Variants in EPS8 observed in about 807,000 individuals in gnomAD.
The protein encoded by EPS8 is EGFR pathway substrate 8, signaling adaptor, also known as epidermal growth factor receptor kinase substrate 8.
Under a neutral mutation model 103.8 loss-of-function variants are expected in EPS8, and 42 were observed. That is an observed-to-expected ratio of 0.40 (90% CI 0.32 to 0.52). The LOEUF (loss-of-function observed/expected upper bound fraction) is 0.52. EPS8 is among the 20% of genes least tolerant of loss of function. The pLI is 0.40. For synonymous variants in EPS8, 344 were observed against 344.6 expected, an observed-to-expected ratio of 1.00 and a Z score of 0.02; for missense variants, 969 against 1,005.1, an observed-to-expected ratio of 0.96 and a Z score of 0.49.
Position 15,751,609 on chromosome 12 carries a change from G to A in EPS8, c.-22+37552C>T, listed in dbSNP as rs1317809469. ...AATACTGGGCAGTTTCAGACACTAG[G>A]GACATAGCAGTAAAAAAAGGGGGCA... On this transcript the variant is annotated intron_variant, in intron 1 of 20. Coordinates refer to ENST00000281172, the MANE Select transcript of EPS8 (RefSeq NM_004447.6). This position sits in a 1 kb window ranked among gnomAD's most constrained non-coding sequence, Gnocchi z 4.3. Among the ~76,000 whole-genome samples, 2 of 151,932 alleles carry A rather than the reference G, an allele frequency of 1.3e-5. No homozygotes were observed. Among genetic ancestry groups the A allele is most frequent in the Non-Finnish European group, 2.9e-5 (2 of 67,994 alleles).
intron 8 of EPS8, chr12:15,665,548 C>T (rs1460866835): frequency 1.9e-6 from 1 of 540,430 alleles, no homozygotes; most frequent in East Asian, 3.6e-5. Context: ...TCATGCTGGT[C>T]TCAAACTCCT....
At chr12:15,658,406 T>G (rs1261523701) in intron 11 of EPS8, 91 bp downstream of exon 11, 2 of 1,005,662 alleles carry the variant, frequency 2.0e-6, no homozygotes, top group Non-Finnish European at 3.0e-6. Flanking sequence ...TAAAAACAAT[T>G]TTATTTCTTA....
chr12:15,725,894 G>C lies in EPS8; in HGVS notation c.-21-42922C>G, dbSNP rs570337004. Among the ~76,000 whole-genome samples, 1 of 152,120 alleles carries C rather than the reference G, an allele frequency of 6.6e-6. No individual in the cohort carries two copies. Among genetic ancestry groups the C allele is most frequent in the East Asian group, 1.9e-4 (1 of 5,180 alleles). ...AATAAGATGCAGAATTTGGCCTTTA[G>C]GTTTCTCTGTTTTACAAATACAGGT... On this transcript the variant is annotated intron_variant, in intron 1 of 20. Transcript: ENST00000281172. This position sits in a 1 kb window ranked among gnomAD's most constrained non-coding sequence, Gnocchi z 4.5.
chr12:15,660,823 T>C (rs1242960746), intron 9 of EPS8, 83 bp from the exon 10 acceptor site: 1 of 807,860 alleles, frequency 1.2e-6, no homozygotes, highest in East Asian at 2.8e-5. Flanking sequence ...AATAGAAAGG[T>C]TTTTTTAGAA....
intron 7 of EPS8, 78 bp downstream of exon 7, chr12:15,666,359 AAAT>A: frequency 9.7e-7 from 1 of 1,029,038 alleles, no homozygotes; most frequent in Non-Finnish European, 1.5e-6. Context: ...CTTCCATAGA[AAAT>A]AATTTTTCTA....
At chr12:15,718,862 G>A (rs10466859) in intron 1 of EPS8, among the ~76,000 whole-genome samples, 128,876 of 152,046 alleles carry the variant, frequency 0.85, 58,642 homozygotes, top group Non-Finnish European at 1. Flanking sequence ...GGGTTCTTAA[G>A]TGCCATTTAG....
At chr12:15,758,979 A>T (rs2136028157) in intron 1 of EPS8, among the ~76,000 whole-genome samples, 1 of 152,226 alleles carries the variant, frequency 6.6e-6, no homozygotes, top group South Asian at 2.1e-4. Context: ...TCACTGTACT[A>T]TTCAATGCAC....
At chr12:15,667,575 G>A (rs1000421658) in intron 6 of EPS8, among the ~76,000 whole-genome samples, 4 of 152,000 alleles carry the variant, frequency 2.6e-5, no homozygotes, top group East Asian at 1.9e-4. Context: ...AACTGAAGAT[G>A]CCTAGGAATC....
intron 14 of EPS8, among the ~76,000 whole-genome samples, chr12:15,650,068 C>T (rs958076697): frequency 3.9e-5 from 6 of 152,152 alleles, no homozygotes; most frequent in Admixed American, 6.5e-5. Flanking sequence ...GTCATAGAAA[C>T]ATCACTTTTA....
rs1341956854 is a variant in EPS8, at chr12:15,784,600, T to C, written c.-22+4561A>G. Among the ~76,000 whole-genome samples the C allele has an allele frequency of 1.3e-5, 2 of 152,112 alleles. No homozygotes were observed. Among genetic ancestry groups the C allele is most frequent in the East Asian group, 3.8e-4 (2 of 5,198 alleles). ...TGGCAATTTCTTACAAAGCTAACCA[T>C]AATCTTACCACAGGATCCAGCAATC... On this transcript the variant is annotated intron_variant, in intron 1 of 20. Coordinates refer to ENST00000281172, the MANE Select transcript of EPS8 (RefSeq NM_004447.6). This position sits in a 1 kb window ranked among gnomAD's most constrained non-coding sequence, Gnocchi z 4.0.
rs1325148148 is a variant in EPS8 at position 15,776,380 on chromosome 12, G to C, written c.-22+12781C>G. The stretch of plus-strand genomic sequence containing the variant: ...AGCAATCCGGTACTCTTTTGGAAGA[G>C]AGAAAAAAACAGCTGGCTTAGGTGA... On this transcript the variant is annotated intron_variant, in intron 1 of 20. Coordinates refer to ENST00000281172, the MANE Select transcript of EPS8 (RefSeq NM_004447.6). The surrounding 1 kb of genome is among the most constrained non-coding windows in gnomAD (Gnocchi z 4.2). Among the ~76,000 whole-genome samples, 2 of 152,082 alleles carry C rather than the reference G, an allele frequency of 1.3e-5. No individual in the cohort carries two copies. The highest frequency in any genetic ancestry group is 2.4e-5 in the African/African-American group (1 of 41,420).
Position 15,690,728 on chromosome 12 carries a change from T to A in EPS8, c.-21-7756A>T, listed in dbSNP as rs1946160042. The stretch of plus-strand genomic sequence containing the variant: ...ATCAAGAGCAAAATGTATAACTTTA[T>A]GTCTATGAAAAGTTCACGACTAAGC... On this transcript the variant is annotated intron_variant, in intron 1 of 20. Transcript: ENST00000281172. The surrounding 1 kb of genome is among the most constrained non-coding windows in gnomAD (Gnocchi z 4.7). Among the ~76,000 whole-genome samples, 1 of 152,246 alleles carries A rather than the reference T, an allele frequency of 6.6e-6. No individual in the cohort carries two copies. Among genetic ancestry groups the A allele is most frequent in the African/African-American group, 2.4e-5 (1 of 41,470 alleles).
rs3086457 is a variant in EPS8 at position 15,715,394 on chromosome 12, C to CTTT, written c.-21-32425_-21-32423dup. On this transcript the variant is annotated intron_variant, in intron 1 of 20. Coordinates refer to ENST00000281172, the MANE Select transcript of EPS8 (RefSeq NM_004447.6). ...TTTCTTTTTTTTTTTCTTTACTTTT[C>CTTT]TTTTTTTTTTTTTTTTGAGATGGAG... Among the ~76,000 whole-genome samples the CTTT allele has an allele frequency of 7.8e-3, 995 of 127,110 alleles. 51 individuals carry two copies. The highest frequency in any genetic ancestry group is 0.015 in the East Asian group (68 of 4,418). 83.4% of individuals were successfully genotyped at this position (127,110 alleles called of 152,430 possible).
At chr12:15,624,137 A>AT (rs1340986542) in intron 19 of EPS8, 90 bp downstream of exon 19, 1 of 1,019,440 alleles carries the variant, frequency 9.8e-7, no homozygotes, top group Non-Finnish European at 1.5e-6. Flanking sequence ...CTTATGTTTT[A>AT]TAACAGTTAT....
intron 1 of EPS8, among the ~76,000 whole-genome samples, chr12:15,687,755 C>G (rs925956150): frequency 1.3e-5 from 2 of 152,108 alleles, no homozygotes; most frequent in Non-Finnish European, 2.9e-5. Context: ...TTGTCTATTC[C>G]CTGAGTTGCT....
At chr12:15,657,398 G>C (rs1211715683) in intron 12 of EPS8, among the ~76,000 whole-genome samples, 2 of 152,128 alleles carry the variant, frequency 1.3e-5, no homozygotes, top group Non-Finnish European at 2.9e-5. Flanking sequence ...TCCCCCTGGG[G>C]AACTCCCAGT....
At chr12:15,742,964 G>T (rs866239351) in intron 1 of EPS8, among the ~76,000 whole-genome samples, 3 of 152,292 alleles carry the variant, frequency 2.0e-5, no homozygotes, top group Middle Eastern at 6.8e-3. Flanking sequence ...AAAACAGGAA[G>T]TCAAATTGTC....
In EPS8 at chr12:15,704,106, G is replaced by GT. The variant is rs909557991; in HGVS notation, c.-21-21135dup. Among the ~76,000 whole-genome samples the GT allele has an allele frequency of 6.6e-6, 1 of 151,790 alleles. No individual in the cohort carries two copies. Among genetic ancestry groups the GT allele is most frequent in the Non-Finnish European group, 1.5e-5 (1 of 67,918 alleles). On this transcript the variant is annotated intron_variant, in intron 1 of 20. Transcript: ENST00000281172. This position sits in a 1 kb window ranked among gnomAD's most constrained non-coding sequence, Gnocchi z 4.6. The stretch of plus-strand genomic sequence containing the variant: ...TAAGAATAGAGGGTTTTCCTGCTGG[G>GT]TTTTTTTGTTCGTTCATTTAAAATA...
Position 15,787,005 on chromosome 12 carries a change from C to T in EPS8, c.-22+2156G>A, listed in dbSNP as rs1947318149. 1.3e-5 allele frequency among the ~76,000 whole-genome samples: 2 copies of T among 152,096 alleles called. No homozygotes were observed. The highest frequency in any genetic ancestry group is 2.4e-5 in the African/African-American group (1 of 41,418). ...ATCCGTGTAACTACCAAGTATGTTT[C>T]ACACAACTCAGGAAAGCTGAGTTGT... On this transcript the variant is annotated intron_variant, in intron 1 of 20. Transcript: ENST00000281172. The surrounding 1 kb of genome is among the most constrained non-coding windows in gnomAD (Gnocchi z 4.9).
Sources: gnomAD v4.1 joint callset for allele counts (sites outside exome capture counted in the v4.1 genomes callset) on GRCh38, gnomAD v4.1.1 for gene constraint, Gnocchi (gnomAD v3.1) non-coding constraint, MANE v1.5 for transcripts, NCBI Gene and HGNC (gene_info 2026-07-23, HGNC 2026-07-21) for gene names.